PIEZO2: variants seen among roughly 807,000 people sequenced by gnomAD.
PIEZO2 encodes piezo type mechanosensitive ion channel component 2, also known as piezo-type mechanosensitive ion channel component 2.
Under a neutral mutation model 337.3 loss-of-function variants are expected in PIEZO2, and 172 were observed. The ratio of observed to expected loss-of-function variants is 0.51; its 90% CI spans 0.45 to 0.58. The LOEUF (loss-of-function observed/expected upper bound fraction) is 0.58. Ranked by LOEUF, PIEZO2 falls within the 20% of genes least tolerant of loss-of-function variation. The pLI, the probability that PIEZO2 is intolerant of heterozygous loss-of-function variation, is 0.00. For missense variants in PIEZO2, 3,028 were observed against 3,391.3 expected (o/e 0.89, Z 2.66); for synonymous variants, 1,251 against 1,228.5 (o/e 1.02, Z -0.38).
At chr18:10,761,476 C>A (rs192822802) in intron 23 of PIEZO2, among the ~76,000 whole-genome samples, 6 of 152,266 alleles carry the variant, frequency 3.9e-5, no homozygotes, top group South Asian at 4.1e-4. Context: ...CATCCTGGGA[C>A]GCACTGAGCT....
Position 10,773,331 on chromosome 18 carries a change from C to CT in PIEZO2, c.2785+80dup. 2 of 1,379,280 alleles carry CT rather than the reference C, an allele frequency of 1.5e-6. No homozygotes were observed. The highest frequency in any genetic ancestry group is 2.0e-6 in the Non-Finnish European group (2 of 1,006,910). The allele number at this position is 1,379,280 out of a possible 1,614,324, so 85.4% of individuals were successfully genotyped here. A position where few individuals can be genotyped will look rare whatever the true frequency, so the allele number is the denominator to read the frequency against. Reference sequence around the variant, plus strand: ...TCATGGACTGGGTCAAATATATATTCTTTTGGAGCAAGTCAATGTTTCCTT... The same window carrying CT: ...TCATGGACTGGGTCAAATATATATTCTTTTTGGAGCAAGTCAATGTTTCCTT... On this transcript the variant is annotated intron_variant, in intron 20 of 55. Transcript: ENST00000674853. This position sits in a 1 kb window ranked among gnomAD's most constrained non-coding sequence, Gnocchi z 5.3.
chr18:11,147,884 G>A (rs1255689441), intron 1 of PIEZO2, among the ~76,000 whole-genome samples: 1 of 152,252 alleles, frequency 6.6e-6, no homozygotes, highest in Admixed American at 6.5e-5. Flanking sequence ...TTAAAATCTG[G>A]AGAGGGCGGC....
rs1248218529 is a variant in PIEZO2 at position 10,821,298 on chromosome 18, C to G, written c.918-14024G>C. Among the ~76,000 whole-genome samples the G allele has an allele frequency of 1.3e-5, 2 of 152,144 alleles. No homozygotes were observed. Among genetic ancestry groups the G allele is most frequent in the Non-Finnish European group, 2.9e-5 (2 of 68,024 alleles). ...TCTCAGCCATCATAAACCCACACTT[C>G]CAATAGCTCAGCATCTGAAAACAGT... is the stretch of plus-strand genomic sequence containing the variant. On this transcript the variant is annotated intron_variant, in intron 7 of 55. Coordinates refer to ENST00000674853, the MANE Select transcript of PIEZO2 (RefSeq NM_001378183.1). The surrounding 1 kb of genome is among the most constrained non-coding windows in gnomAD (Gnocchi z 4.2).
intron 1 of PIEZO2, among the ~76,000 whole-genome samples, chr18:11,137,696 G>A (rs546215761): frequency 6.6e-6 from 1 of 152,158 alleles, no homozygotes; most frequent in Non-Finnish European, 1.5e-5. Context: ...GATGGCAGGA[G>A]CAGGGACGGC....
At position 11,148,648 on chromosome 18, in the gene PIEZO2, G is replaced by A; in HGVS notation, c.-60C>T. The A allele has an allele frequency of 1.3e-6, 2 of 1,515,900 alleles. No individual in the cohort carries two copies. The highest frequency in any genetic ancestry group is 1.8e-6 in the Non-Finnish European group (2 of 1,128,614). The allele number at this position is 1,515,900 out of a possible 1,614,324, so 93.9% of individuals were successfully genotyped here. On this transcript the variant is annotated 5_prime_UTR_variant, in exon 1 of 56. Transcript: ENST00000674853. The surrounding 1 kb of genome is among the most constrained non-coding windows in gnomAD (Gnocchi z 5.2). ...GGCTCGAGGGTCCCTAGGGGTGGTG[G>A]GACGCAAGGCCCATGCCCGTCTATG...
rs1015518423 is a variant in PIEZO2 at position 11,131,300 on chromosome 18, C to A, written c.64+17225G>T. ...ATACATGATCGGGCTCGAGCAGGTC[C>A]TGAGGGCACAAGTAAGTTACATGAG... On this transcript the variant is annotated intron_variant, in intron 1 of 55. Coordinates refer to ENST00000674853, the MANE Select transcript of PIEZO2 (RefSeq NM_001378183.1). The surrounding 1 kb of genome is among the most constrained non-coding windows in gnomAD (Gnocchi z 5.3). 1.6e-4 allele frequency among the ~76,000 whole-genome samples: 25 copies of A among 152,188 alleles called. No individual in the cohort carries two copies. Among genetic ancestry groups the A allele is most frequent in the Non-Finnish European group, 5.9e-5 (4 of 68,036 alleles).
intron 4 of PIEZO2, among the ~76,000 whole-genome samples, chr18:10,890,266 T>C (rs989503782): frequency 6.6e-6 from 1 of 152,208 alleles, no homozygotes; most frequent in African/African-American, 2.4e-5. Flanking sequence ...GGATTATGAA[T>C]GTAATCCACA....
intron 4 of PIEZO2, among the ~76,000 whole-genome samples, chr18:10,905,300 T>TGGCCAGGCGTG (rs1555673109): frequency 2.0e-5 from 3 of 152,028 alleles, no homozygotes; most frequent in African/African-American, 4.8e-5. Context: ...CTTACAAGGT[T>TGGCCAGGCGTG]GGCCAGGCGT....
intron 36 of PIEZO2, among the ~76,000 whole-genome samples, chr18:10,719,212 A>G (rs2036152428): frequency 6.6e-6 from 1 of 152,188 alleles, no homozygotes; most frequent in Admixed American, 6.5e-5. Context: ...ACATTTAAAA[A>G]TATATTTAGG....
intron 3 of PIEZO2, among the ~76,000 whole-genome samples, chr18:10,932,861 C>T (rs1365014691): frequency 1.3e-5 from 2 of 151,902 alleles, no homozygotes; most frequent in African/African-American, 4.8e-5. Flanking sequence ...GAGATCGAGG[C>T]TGCAGTGAGC....
intron 7 of PIEZO2, among the ~76,000 whole-genome samples, chr18:10,844,278 G>T (rs1483679310): frequency 6.6e-6 from 1 of 151,872 alleles, no homozygotes; most frequent in Admixed American, 6.6e-5. Context: ...AAATTAGCCG[G>T]GTGTGGTGAT....
At chr18:10,998,599 T>A (rs2035418742) in intron 2 of PIEZO2, among the ~76,000 whole-genome samples, 1 of 152,116 alleles carries the variant, frequency 6.6e-6, no homozygotes, top group Non-Finnish European at 1.5e-5. Flanking sequence ...TCATAACTCA[T>A]GCTAACTCCA....
At chr18:10,857,387 A>G (rs140981448) in intron 5 of PIEZO2, among the ~76,000 whole-genome samples, 176 bp from the exon 6 acceptor site, 309 of 152,328 alleles carry the variant, frequency 2.0e-3, no homozygotes, top group African/African-American at 6.8e-3. Flanking sequence ...TATAAGCCCA[A>G]GTAACTCTGA....
intron 13 of PIEZO2, among the ~76,000 whole-genome samples, chr18:10,793,816 G>T (rs1358794550): frequency 6.6e-6 from 1 of 152,098 alleles, no homozygotes; most frequent in East Asian, 1.9e-4. Context: ...GAACACAGGG[G>T]TTATATTCTC....
At chr18:11,100,831 G>A (rs375530594) in intron 1 of PIEZO2, among the ~76,000 whole-genome samples, 50 of 152,252 alleles carry the variant, frequency 3.3e-4, no homozygotes, top group East Asian at 1.4e-3. Flanking sequence ...TCCTGACCTC[G>A]TGATCCGCCC....
At chr18:10,798,120 C>G (rs541271745) in intron 11 of PIEZO2, among the ~76,000 whole-genome samples, 145 of 152,212 alleles carry the variant, frequency 9.5e-4, no homozygotes, top group Non-Finnish European at 3.7e-4. Flanking sequence ...GATTCTCCCC[C>G]TCTCCGACAA....
intron 49 of PIEZO2, among the ~76,000 whole-genome samples, chr18:10,687,719 G>A (rs676809): frequency 0.44 from 66,996 of 152,018 alleles, 15,648 homozygotes; most frequent in East Asian, 0.72. Flanking sequence ...TTTCCCTCTC[G>A]TTCTCTTGGA....
At chr18:10,867,308 A>G (rs2042032013) in intron 5 of PIEZO2, among the ~76,000 whole-genome samples, 1 of 152,200 alleles carries the variant, frequency 6.6e-6, no homozygotes, top group Admixed American at 6.5e-5. Flanking sequence ...TGCTCTTTAA[A>G]AAAAACAGCA....
rs1351395915 is a variant in PIEZO2, at chr18:10,689,683, A to G, written c.7469T>C (p.Ile2490Thr). The part of the protein sequence containing the change: ...CVEDIYAHIF[I>T]LKCWRESEKR... Reference sequence around the variant, plus strand: ...CTCCGACTCCCGCCAACACTTCAGGATGAATATGTGAGCATAGATGTCCTC... The same window carrying G: ...CTCCGACTCCCGCCAACACTTCAGGGTGAATATGTGAGCATAGATGTCCTC... Residue 2490 changes from isoleucine to threonine, a missense_variant, in exon 49 of 56, where the codon ATC becomes ACC. This residue lies in a region of PIEZO2 where 179 missense variants were observed against 281.8 expected (regional missense o/e 0.64). Coordinates refer to ENST00000674853, the MANE Select transcript of PIEZO2 (RefSeq NM_001378183.1). 5.0e-6 allele frequency: 8 copies of G among 1,614,216 alleles called. No homozygotes were observed. In the East Asian group the frequency reaches 1.8e-4, roughly 36 times the overall value.
Sources: gnomAD v4.1 joint callset for allele counts (sites outside exome capture counted in the v4.1 genomes callset) on GRCh38, gnomAD v4.1.1 for gene constraint, gnomAD v4.1.1 regional missense constraint, Gnocchi (gnomAD v3.1) non-coding constraint, MANE v1.5 for transcripts, NCBI Gene and HGNC (gene_info 2026-07-23, HGNC 2026-07-21) for gene names.